CNBD1: variants seen among roughly 807,000 people sequenced by gnomAD.
CNBD1 encodes cyclic nucleotide-binding domain-containing protein 1.
CNBD1 carries 71 observed loss-of-function variants against 54.4 expected under a neutral mutation model. The observed-to-expected ratio is 1.30, with a 90% CI of 1.08 to 1.59. The LOEUF (loss-of-function observed/expected upper bound fraction) is 1.59. Ranked by LOEUF, CNBD1 falls within the 40% of genes most tolerant of loss-of-function variation. The pLI is 0.00. For missense variants in CNBD1, 659 were observed against 518.0 expected (o/e 1.27, Z -2.64); for synonymous variants, 182 against 170.7 (o/e 1.07, Z -0.51).
At chr8:87,384,136 A>C (rs975946733), downstream of CNBD1, among the ~76,000 whole-genome samples, 5 of 152,114 alleles carry the variant, frequency 3.3e-5, no homozygotes, top group Non-Finnish European at 7.4e-5. Flanking sequence ...TTGAACATAA[A>C]AGGACAAGAA....
At chr8:87,418,704 A>C (rs1354989689) in intron 2 of CNBD1, among the ~76,000 whole-genome samples, 1 of 151,980 alleles carries the variant, frequency 6.6e-6, no homozygotes, top group Non-Finnish European at 1.5e-5. Context: ...CAAATGATTT[A>C]AATACAAATT....
intron 2 of CNBD1, among the ~76,000 whole-genome samples, chr8:87,401,478 C>A (rs1336934962): frequency 6.6e-6 from 1 of 152,060 alleles, no homozygotes; most frequent in African/African-American, 2.4e-5. Context: ...AGAGACTTTT[C>A]ACTGTGCCTT....
At chr8:87,426,188 G>T (rs112315966) in intron 2 of CNBD1, among the ~76,000 whole-genome samples, 13 of 152,324 alleles carry the variant, frequency 8.5e-5, no homozygotes, top group African/African-American at 2.6e-4. Context: ...GGCGCACGGT[G>T]CGCGCACCCA....
At chr8:87,191,702 C>G (rs1258718405) in intron 4 of CNBD1, among the ~76,000 whole-genome samples, 1 of 152,094 alleles carries the variant, frequency 6.6e-6, no homozygotes, top group Non-Finnish European at 1.5e-5. Context: ...GCTGTATGTG[C>G]AATTATTGTT....
chr8:87,189,296 A>G (rs1274454293), intron 4 of CNBD1, among the ~76,000 whole-genome samples: 2 of 152,142 alleles, frequency 1.3e-5, no homozygotes, highest in African/African-American at 2.4e-5. Flanking sequence ...TTGATGAAGT[A>G]CCTTGCCTAA....
chr8:86,951,447 G>A (rs958227076), intron 4 of CNBD1, among the ~76,000 whole-genome samples: 1 of 151,364 alleles, frequency 6.6e-6, no homozygotes, highest in Non-Finnish European at 1.5e-5. Context: ...GGGTGTGGTG[G>A]TGGGCACCTG....
chr8:87,255,972 AATATATATATAT>A (rs1164599078), intron 6 of CNBD1, among the ~76,000 whole-genome samples: 380 of 16,872 alleles, frequency 0.023, 12 homozygotes, highest in African/African-American at 0.045. Context: ...TGCAGCTACA[AATATATATATAT>A]ATATATATAT....
chr8:87,092,199 T>C (rs1478973918), intron 4 of CNBD1, among the ~76,000 whole-genome samples: 1 of 152,092 alleles, frequency 6.6e-6, no homozygotes, highest in East Asian at 1.9e-4. Flanking sequence ...CAACTTGGCT[T>C]TATCTATTTC....
At chr8:87,312,382 C>T (rs1809286501) in intron 8 of CNBD1, among the ~76,000 whole-genome samples, 1 of 151,988 alleles carries the variant, frequency 6.6e-6, no homozygotes, top group African/African-American at 2.4e-5. Flanking sequence ...CTGAATATTG[C>T]CACTCTTGAA....
At chr8:87,069,612 A>T (rs1417529670) in intron 4 of CNBD1, among the ~76,000 whole-genome samples, 1 of 152,058 alleles carries the variant, frequency 6.6e-6, no homozygotes, top group Admixed American at 6.6e-5. Context: ...CCTAACAAGG[A>T]ATTTCTCAGA....
chr8:87,352,518 T>C (rs1325444518), intron 9 of CNBD1, among the ~76,000 whole-genome samples: 2 of 146,142 alleles, frequency 1.4e-5, no homozygotes, highest in Non-Finnish European at 3.0e-5. Flanking sequence ...TCTTACAAAC[T>C]AAAAACTGGA....
intron 4 of CNBD1, among the ~76,000 whole-genome samples, chr8:87,024,380 C>T (rs1457142492): frequency 6.6e-6 from 1 of 150,682 alleles, no homozygotes; most frequent in Non-Finnish European, 1.5e-5. Flanking sequence ...CACTGTGTCT[C>T]CCAGGCTGGA....
At chr8:87,018,756 C>T (rs992003749) in intron 4 of CNBD1, among the ~76,000 whole-genome samples, 3 of 152,178 alleles carry the variant, frequency 2.0e-5, no homozygotes, top group African/African-American at 7.2e-5. Context: ...TAAAACTATA[C>T]AAGCCGCCTC....
At chr8:87,425,042 A>C (rs1413705786) in intron 2 of CNBD1, among the ~76,000 whole-genome samples, 2 of 151,164 alleles carry the variant, frequency 1.3e-5, no homozygotes, top group Non-Finnish European at 3.0e-5. Flanking sequence ...TTTTCTCTAA[A>C]CTTTCCTTCT....
At chr8:87,301,016 T>C (rs1194901646) in intron 8 of CNBD1, among the ~76,000 whole-genome samples, 1 of 152,012 alleles carries the variant, frequency 6.6e-6, no homozygotes. Flanking sequence ...AAACAGGAGA[T>C]ATTACAACTG....
At chr8:87,301,267 C>T (rs1399659310) in intron 8 of CNBD1, among the ~76,000 whole-genome samples, 1 of 151,986 alleles carries the variant, frequency 6.6e-6, no homozygotes, top group African/African-American at 2.4e-5. Flanking sequence ...TTCTACCAAA[C>T]ATTCAAAGAA....
intron 2 of CNBD1, among the ~76,000 whole-genome samples, chr8:87,422,962 T>C (rs1807968191): frequency 6.6e-6 from 1 of 152,036 alleles, no homozygotes; most frequent in East Asian, 1.9e-4. Flanking sequence ...AGCAGCGGTT[T>C]GTAGTTCTCC....
Position 87,286,611 on chromosome 8 carries a change from A to T in CNBD1, c.982A>T (p.Thr328Ser), listed in dbSNP as rs776013274. The change falls in exon 8 of 11, where the codon ACT (threonine) becomes TCT (serine). Residue 328 changes from threonine to serine, a missense_variant. By Grantham distance (58) the Thr-to-Ser change is moderately conservative (BLOSUM62 1). Coordinates refer to ENST00000518476, the MANE Select transcript of CNBD1 (RefSeq NM_173538.3). ...RMCPYYEEWP[T>S]LSIYELIALL... ...GTGTCCTTATTATGAGGAATGGCCTACTTTATCCATATATGAGCTAATTGC... is the reference window on the plus strand; with the variant it reads ...GTGTCCTTATTATGAGGAATGGCCTTCTTTATCCATATATGAGCTAATTGC... The T allele has an allele frequency of 9.2e-6, 14 of 1,519,834 alleles. No individual in the cohort carries two copies. Among genetic ancestry groups the T allele is most frequent in the Non-Finnish European group, 1.1e-5 (12 of 1,117,356 alleles). The allele number at this position is 1,519,834 out of a possible 1,614,324, so 94.1% of individuals were successfully genotyped here.
At chr8:87,176,875 T>G (rs995440681) in intron 4 of CNBD1, among the ~76,000 whole-genome samples, 2 of 152,168 alleles carry the variant, frequency 1.3e-5, no homozygotes, top group African/African-American at 4.8e-5. Context: ...TCAAGATAAC[T>G]ATAAACAATA....
Sources: allele counts gnomAD v4.1 joint callset (sites outside exome capture counted in the v4.1 genomes callset), GRCh38; gene constraint gnomAD v4.1.1; transcripts MANE v1.5; gene names NCBI Gene and HGNC (gene_info 2026-07-23, HGNC 2026-07-21).